NCAM2: variants seen among roughly 807,000 people sequenced by gnomAD.
NCAM2 encodes N-CAM-2.
In NCAM2, 30 loss-of-function variants were observed where a neutral mutation model predicts 98.1. That is an observed-to-expected ratio of 0.31 (90% CI 0.23 to 0.41). The LOEUF (loss-of-function observed/expected upper bound fraction) is 0.41, where lower values mean the gene tolerates loss of function less well. Ranked by LOEUF, NCAM2 falls within the 10% of genes least tolerant of loss-of-function variation. NCAM2 has a pLI of 1.00. For missense variants in NCAM2, 867 were observed against 1,005.8 expected (o/e 0.86, Z 1.87); for synonymous variants, 368 against 342.4 (o/e 1.07, Z -0.83).
rs567191745 is a variant in NCAM2, at chr21:21,222,466, A to G, written c.56-58112A>G. ...GTTTGTAATGCATGGGAAGAAGTCA[A>G]AATGTCGTTAGTAACAGGAGTTAGG... On this transcript the variant is annotated intron_variant, in intron 1 of 17. Transcript: ENST00000400546. Among the ~76,000 whole-genome samples the G allele has an allele frequency of 8.5e-4, 129 of 152,294 alleles. 1 individual carries two copies. The highest frequency in any genetic ancestry group is 2.8e-3 in the African/African-American group (118 of 41,580).
At chr21:21,473,108 A>G (rs1984666885) in intron 14 of NCAM2, among the ~76,000 whole-genome samples, 1 of 151,480 alleles carries the variant, frequency 6.6e-6, no homozygotes, top group Non-Finnish European at 1.5e-5. Context: ...TCATGCTAAC[A>G]ATGATGAGTA....
intron 6 of NCAM2, among the ~76,000 whole-genome samples, chr21:21,332,760 G>C (rs894827923): frequency 6.6e-6 from 1 of 152,122 alleles, no homozygotes; most frequent in Non-Finnish European, 1.5e-5. Context: ...CGTGTTCTCT[G>C]CCTCCCCCAG....
At chr21:21,528,007 A>G (rs1452130175) in intron 16 of NCAM2, among the ~76,000 whole-genome samples, 1 of 152,228 alleles carries the variant, frequency 6.6e-6, no homozygotes, top group East Asian at 1.9e-4. Context: ...GCTGTTATTC[A>G]GCACTAAAAA....
chr21:21,252,837 G>C (rs1228544384), intron 1 of NCAM2, among the ~76,000 whole-genome samples: 1 of 151,850 alleles, frequency 6.6e-6, no homozygotes, highest in African/African-American at 2.4e-5. Flanking sequence ...TTCTTGCAGG[G>C]ACATTGCTAT....
intron 1 of NCAM2, among the ~76,000 whole-genome samples, chr21:21,266,130 G>T (rs932287071): frequency 6.6e-6 from 1 of 151,938 alleles, no homozygotes; most frequent in Non-Finnish European, 1.5e-5. Context: ...TAAAAAAATG[G>T]TTTGATTTTA....
chr21:21,527,975 C>T (rs573134317), intron 16 of NCAM2, among the ~76,000 whole-genome samples: 3 of 152,298 alleles, frequency 2.0e-5, no homozygotes, highest in African/African-American at 7.2e-5. Flanking sequence ...AATGAATAAA[C>T]TGTGGTAGAT....
chr21:21,465,390 G>C (rs1983548036), intron 12 of NCAM2, among the ~76,000 whole-genome samples: 1 of 151,874 alleles, frequency 6.6e-6, no homozygotes, highest in Non-Finnish European at 1.5e-5. Flanking sequence ...ACACCAGCCT[G>C]AGCAACATAG....
At chr21:21,071,827 C>T (rs770260516) in intron 1 of NCAM2, among the ~76,000 whole-genome samples, 13 of 152,110 alleles carry the variant, frequency 8.5e-5, no homozygotes, top group Admixed American at 3.9e-4. Flanking sequence ...TAAATGTTAG[C>T]TACATAATAA....
chr21:21,528,804 A>G (rs1416594536), intron 16 of NCAM2, among the ~76,000 whole-genome samples: 1 of 152,146 alleles, frequency 6.6e-6, no homozygotes. Flanking sequence ...ATACTGAATT[A>G]CACTAATCTA....
intron 1 of NCAM2, among the ~76,000 whole-genome samples, chr21:21,054,293 A>G (rs2065170961): frequency 6.6e-6 from 1 of 152,008 alleles, no homozygotes; most frequent in African/African-American, 2.4e-5. Context: ...CACACAGTAC[A>G]GTATTTCAGA....
At chr21:21,211,362 A>G (rs1014411210) in intron 1 of NCAM2, among the ~76,000 whole-genome samples, 35 of 152,270 alleles carry the variant, frequency 2.3e-4, no homozygotes, top group African/African-American at 8.4e-4. Context: ...TTTAATCCTT[A>G]CCATGACCAT....
chr21:21,044,086 C>T (rs1008185336), intron 1 of NCAM2, among the ~76,000 whole-genome samples: 1 of 151,754 alleles, frequency 6.6e-6, no homozygotes, highest in African/African-American at 2.4e-5. Context: ...TTAATGAGAG[C>T]AGTTACTGCA....
At chr21:21,038,213 A>G (rs2064835726) in intron 1 of NCAM2, among the ~76,000 whole-genome samples, 1 of 152,204 alleles carries the variant, frequency 6.6e-6, no homozygotes, top group Non-Finnish European at 1.5e-5. Flanking sequence ...ATTTATTTCC[A>G]CATAAGAATG....
At chr21:21,438,978 C>T (rs1039487234) in intron 12 of NCAM2, among the ~76,000 whole-genome samples, 2 of 151,966 alleles carry the variant, frequency 1.3e-5, no homozygotes, top group African/African-American at 2.4e-5. Flanking sequence ...CTCAGCTACT[C>T]AGGAGGCTGA....
At chr21:21,299,686 C>G (rs1692394349) in intron 5 of NCAM2, among the ~76,000 whole-genome samples, 1 of 147,608 alleles carries the variant, frequency 6.8e-6, no homozygotes, top group East Asian at 2.2e-4. Flanking sequence ...GAAAGCAATT[C>G]TAAATATGAC....
intron 5 of NCAM2, among the ~76,000 whole-genome samples, chr21:21,315,075 G>C (rs937801725): frequency 5.3e-5 from 8 of 151,690 alleles, no homozygotes; most frequent in Admixed American, 3.3e-4. Context: ...CACTTTTTTT[G>C]TTGTTTTTGT....
intron 9 of NCAM2, among the ~76,000 whole-genome samples, chr21:21,400,674 C>G (rs2076608520): frequency 6.6e-6 from 1 of 150,942 alleles, no homozygotes; most frequent in African/African-American, 2.4e-5. Context: ...CAACCTCCAT[C>G]TCCTAGGTTC....
intron 8 of NCAM2, among the ~76,000 whole-genome samples, chr21:21,361,270 T>G (rs988275198): frequency 6.6e-6 from 1 of 151,846 alleles, no homozygotes; most frequent in Non-Finnish European, 1.5e-5. Context: ...CATACGTATG[T>G]GTATATTTAT....
chr21:21,186,512 C>A (rs895862627), intron 1 of NCAM2, among the ~76,000 whole-genome samples: 1 of 151,952 alleles, frequency 6.6e-6, no homozygotes. Flanking sequence ...GGATAAGAAA[C>A]AGTTTAGTTA....
Sources: gnomAD v4.1 joint callset for allele counts (sites outside exome capture counted in the v4.1 genomes callset) on GRCh38, gnomAD v4.1.1 for gene constraint, MANE v1.5 for transcripts, NCBI Gene and HGNC (gene_info 2026-07-23, HGNC 2026-07-21) for gene names.